The following COL21A1 variants were observed in gnomAD, a reference collection of about 807,000 sequenced individuals.
COL21A1 encodes collagen alpha-1(XXI) chain.
COL21A1 carries 149 observed loss-of-function variants against 137.9 expected under a neutral mutation model. That is an observed-to-expected ratio of 1.08 (90% CI 0.95 to 1.24). The LOEUF is 1.24. Among genes scored for constraint, COL21A1 ranks in the 50% most tolerant of loss-of-function variants. The pLI, the probability that COL21A1 is intolerant of heterozygous loss-of-function variation, is 0.00. For synonymous variants in COL21A1, 456 were observed against 391.5 expected, an observed-to-expected ratio of 1.16 and a Z score of -1.95; for missense variants, 1,167 against 1,158.4, an observed-to-expected ratio of 1.01 and a Z score of -0.11.
chr6:56,176,854 A>T (rs1318060926), intron 3 of COL21A1, among the ~76,000 whole-genome samples: 2 of 139,994 alleles, frequency 1.4e-5, no homozygotes. Flanking sequence ...AGAAGAATGA[A>T]GGGAGAGGAA....
intron 1 of COL21A1, among the ~76,000 whole-genome samples, chr6:56,192,065 A>G (rs1238230100): frequency 6.6e-6 from 1 of 152,180 alleles, no homozygotes; most frequent in Admixed American, 6.5e-5. Flanking sequence ...CAACCATCTT[A>G]TCTTTGACAA....
At chr6:56,200,847 C>T (rs180926145) in intron 1 of COL21A1, among the ~76,000 whole-genome samples, 3,946 of 152,022 alleles carry the variant, frequency 0.026, 167 homozygotes, top group African/African-American at 0.091. Flanking sequence ...TCAAATGGTA[C>T]TTCTAGTTCT....
intron 1 of COL21A1, among the ~76,000 whole-genome samples, chr6:56,389,599 A>G (rs146379135): frequency 0.013 from 2,026 of 152,316 alleles, 16 homozygotes; most frequent in Non-Finnish European, 0.02. Flanking sequence ...TATAACACCA[A>G]GTGGATTCAA....
At chr6:56,069,317 T>C (rs908055259) in intron 21 of COL21A1, among the ~76,000 whole-genome samples, 200 bp from the exon 22 acceptor site, 3 of 151,596 alleles carry the variant, frequency 2.0e-5, no homozygotes, top group Non-Finnish European at 3.0e-5. Context: ...TCTTTTCCAG[T>C]TGAAAAATTC....
At chr6:56,088,953 T>G (rs1768528311) in intron 17 of COL21A1, among the ~76,000 whole-genome samples, 1 of 151,988 alleles carries the variant, frequency 6.6e-6, no homozygotes, top group Non-Finnish European at 1.5e-5. Context: ...TCTGGCTAAT[T>G]TTTTGTATGT....
chr6:56,228,275 T>C (rs888897937), intron 1 of COL21A1, among the ~76,000 whole-genome samples: 3 of 151,690 alleles, frequency 2.0e-5, no homozygotes, highest in African/African-American at 7.3e-5. Context: ...AGATGGAAAG[T>C]TTATGGCAGC....
At chr6:56,263,839 GTTAT>G (rs1763337303) in intron 1 of COL21A1, among the ~76,000 whole-genome samples, 1 of 152,080 alleles carries the variant, frequency 6.6e-6, no homozygotes, top group Non-Finnish European at 1.5e-5. Flanking sequence ...AATTCATGCG[GTTAT>G]TTAAACATTT....
rs573786639 is a variant in COL21A1 at position 56,338,024 on chromosome 6, G to A, written c.-39+55947C>T. On this transcript the variant is annotated intron_variant, in intron 1 of 28. Coordinates refer to the COL21A1 transcript ENST00000370819. Reference sequence around the variant, plus strand: ...GTCGCCCAGGCTGGAGTGCAGTGGCGCAATCTCGGCTCACTGCAACCTCCG... The same window carrying A: ...GTCGCCCAGGCTGGAGTGCAGTGGCACAATCTCGGCTCACTGCAACCTCCG... 6.2e-5 allele frequency among the ~76,000 whole-genome samples: 9 copies of A among 145,018 alleles called. No individual in the cohort carries two copies. The South Asian group carries it at 1.1e-3, about 18-fold the overall frequency.
chr6:56,362,081 G>T (rs1475660311), intron 1 of COL21A1, among the ~76,000 whole-genome samples: 3 of 152,022 alleles, frequency 2.0e-5, no homozygotes, highest in Admixed American at 6.6e-5. Context: ...ATCCACCCCC[G>T]ACCCGTCCAC....
chr6:56,295,468 A>C (rs149367496), intron 1 of COL21A1, among the ~76,000 whole-genome samples: 1 of 152,190 alleles, frequency 6.6e-6, no homozygotes, highest in African/African-American at 2.4e-5. Flanking sequence ...CAGTTTGTCA[A>C]CATCCACAAA....
chr6:56,097,839 A>ATC (rs1408317747), intron 17 of COL21A1, among the ~76,000 whole-genome samples: 3 of 46,382 alleles, frequency 6.5e-5, no homozygotes, highest in African/African-American at 3.2e-4. Flanking sequence ...ATATATATAA[A>ATC]TATATAAATA....
chr6:56,258,932 C>A (rs1365736700), intron 1 of COL21A1, among the ~76,000 whole-genome samples: 2 of 152,152 alleles, frequency 1.3e-5, no homozygotes, highest in Non-Finnish European at 1.5e-5. Flanking sequence ...CATACAATAT[C>A]CCATCTCCTA....
At chr6:56,313,023 T>C (rs1318168108) in intron 1 of COL21A1, among the ~76,000 whole-genome samples, 1 of 152,178 alleles carries the variant, frequency 6.6e-6, no homozygotes. Context: ...ATATCTTTAA[T>C]TGTTGTGACT....
intron 16 of COL21A1, among the ~76,000 whole-genome samples, chr6:56,112,680 CT>C (rs777172358): frequency 3.1e-5 from 4 of 129,678 alleles, no homozygotes; most frequent in Non-Finnish European, 6.6e-5. Context: ...TTTTTCTTTT[CT>C]TTTTTCTTTT....
At chr6:56,272,446 A>G (rs535674267) in intron 1 of COL21A1, among the ~76,000 whole-genome samples, 1 of 152,308 alleles carries the variant, frequency 6.6e-6, no homozygotes, top group East Asian at 1.9e-4. Context: ...TCATAGGCGG[A>G]AGGGACTAGC....
intron 1 of COL21A1, among the ~76,000 whole-genome samples, chr6:56,220,363 G>A (rs1384247108): frequency 6.6e-6 from 1 of 152,086 alleles, no homozygotes; most frequent in Non-Finnish European, 1.5e-5. Context: ...AAGGAACAAA[G>A]GGAATATGTT....
intron 1 of COL21A1, among the ~76,000 whole-genome samples, chr6:56,307,705 T>G (rs1764504006): frequency 6.6e-6 from 1 of 152,140 alleles, no homozygotes; most frequent in East Asian, 1.9e-4. Flanking sequence ...CTTGGGCTCA[T>G]GCTCAGTGCA....
chr6:56,073,560 C>CT (rs1273076416), intron 20 of COL21A1, among the ~76,000 whole-genome samples: 1 of 151,456 alleles, frequency 6.6e-6, no homozygotes, highest in Non-Finnish European at 1.5e-5. Flanking sequence ...GTCCTAGAAT[C>CT]TATTTGCAAA....
At chr6:56,311,269 T>A (rs965700489) in intron 1 of COL21A1, among the ~76,000 whole-genome samples, 1 of 152,216 alleles carries the variant, frequency 6.6e-6, no homozygotes, top group Non-Finnish European at 1.5e-5. Context: ...GGATATGAGT[T>A]GCTACATCAG....
Sources: gnomAD v4.1 joint callset for allele counts (sites outside exome capture counted in the v4.1 genomes callset) on GRCh38, gnomAD v4.1.1 for gene constraint, MANE v1.5 for transcripts, NCBI Gene and HGNC (gene_info 2026-07-23, HGNC 2026-07-21) for gene names.